Variants in DEPDC1B observed in about 807,000 individuals in gnomAD.
The protein encoded by DEPDC1B is DEP domain-containing protein 1B.
DEPDC1B carries 51 observed loss-of-function variants against 66.5 expected under a neutral mutation model. The ratio of observed to expected loss-of-function variants is 0.77; its 90% CI spans 0.61 to 0.97. The LOEUF (loss-of-function observed/expected upper bound fraction) is 0.97. Ranked by LOEUF, DEPDC1B falls within the 50% of genes least tolerant of loss-of-function variation. DEPDC1B has a pLI of 0.00. For missense variants in DEPDC1B, 552 were observed against 637.1 expected (o/e 0.87, Z 1.44); for synonymous variants, 226 against 223.6 (o/e 1.01, Z -0.10).
intron 1 of DEPDC1B, among the ~76,000 whole-genome samples, chr5:60,699,456 A>AAAAAAAAAAAAAAAAAAAAAAAG (rs1754732251): frequency 1.5e-5 from 1 of 68,408 alleles, no homozygotes; most frequent in Non-Finnish European, 3.3e-5. Context: ...AAAAAAAAAA[A>AAAAAAAAAAAAAAAAAAAAAAAG]AAAAAACAGG....
chr5:60,639,605 C>G (rs533970150), intron 6 of DEPDC1B, among the ~76,000 whole-genome samples: 10 of 152,338 alleles, frequency 6.6e-5, no homozygotes, highest in Admixed American at 2.0e-4. Flanking sequence ...ATATCCTACT[C>G]CATCAACAAG....
intron 9 of DEPDC1B, among the ~76,000 whole-genome samples, chr5:60,601,335 A>G (rs1253793615): frequency 6.6e-6 from 1 of 152,250 alleles, no homozygotes; most frequent in African/African-American, 2.4e-5. Context: ...AGTTAAAATT[A>G]CACTTTTCAC....
intron 1 of DEPDC1B, among the ~76,000 whole-genome samples, 164 bp downstream of exon 1, chr5:60,699,882 G>C (rs1754745673): frequency 6.6e-6 from 1 of 152,220 alleles, no homozygotes; most frequent in Admixed American, 6.5e-5. Flanking sequence ...GCCTTTCTTT[G>C]AGGCTCGTCC....
intron 7 of DEPDC1B, among the ~76,000 whole-genome samples, chr5:60,609,284 C>T (rs1752370332): frequency 6.6e-6 from 1 of 152,124 alleles, no homozygotes; most frequent in African/African-American, 2.4e-5. Context: ...AGACCAGGGC[C>T]TCCCTTTTCC....
Position 60,700,137 on chromosome 5 carries a change from C to T in DEPDC1B, c.-44G>A, listed in dbSNP as rs901246467. 3.3e-6 allele frequency: 5 copies of T among 1,528,000 alleles called. No homozygotes were observed. The African/African-American group carries it at 7.0e-5, about 21-fold the overall frequency. 94.7% of individuals were successfully genotyped at this position (1,528,000 alleles called of 1,614,324 possible). A position where few individuals can be genotyped will look rare whatever the true frequency, so the allele number is the denominator to read the frequency against. ...GCCGCAGCCGCGCCAGCGCTGATCC[C>T]CGCCAGCCGGAGGAGCAGCAGTTTG... On this transcript the variant is annotated 5_prime_UTR_variant, in exon 1 of 11. Transcript: ENST00000265036.
intron 9 of DEPDC1B, among the ~76,000 whole-genome samples, chr5:60,600,798 C>T (rs1302030244): frequency 2.0e-5 from 3 of 152,222 alleles, no homozygotes; most frequent in Non-Finnish European, 4.4e-5. Flanking sequence ...TATGCCTGTG[C>T]TATGCATGTG....
At chr5:60,638,625 A>T in intron 7 of DEPDC1B, 125 bp downstream of exon 7, 1 of 991,070 alleles carries the variant, frequency 1.0e-6, no homozygotes, top group Non-Finnish European at 1.4e-6. Context: ...AGCTATGCCA[A>T]ATACTCTATC....
In DEPDC1B at chr5:60,647,018, T is replaced by C. The variant is rs1584061532; in HGVS notation, c.450+380A>G. Among the ~76,000 whole-genome samples, 5 of 152,240 alleles carry C rather than the reference T, an allele frequency of 3.3e-5. No homozygotes were observed. The South Asian group carries it at 1.0e-3, about 32-fold the overall frequency. On this transcript the variant is annotated intron_variant, in intron 3 of 10. Coordinates refer to ENST00000265036, the MANE Select transcript of DEPDC1B (RefSeq NM_018369.3). ...TGAGTAGCATAATTATCTCATTATATATTAAAATGTAATAATAATATAAAT... is the reference window on the plus strand; with the variant it reads ...TGAGTAGCATAATTATCTCATTATACATTAAAATGTAATAATAATATAAAT...
rs1298555903 is a variant in DEPDC1B at position 60,687,078 on chromosome 5, T to A, written c.198A>T (p.Glu66Asp). The A allele has an allele frequency of 6.2e-7, 1 of 1,614,246 alleles. No individual in the cohort carries two copies. Residue 66 changes from glutamate to aspartate, a missense_variant, in exon 2 of 11, where the codon GAA (glutamate) becomes GAT (aspartate). Coordinates refer to ENST00000265036, the MANE Select transcript of DEPDC1B (RefSeq NM_018369.3). ...LLRCSQNFGP[E>D]VTRKQTVQLL... ...GCTGGACCGTTTGTTTGCGGGTCAC[T>A]TCAGGGCCGAAGTTTTGACTGCACC...
At chr5:60,688,465 C>A (rs895950643) in intron 1 of DEPDC1B, among the ~76,000 whole-genome samples, 1 of 152,132 alleles carries the variant, frequency 6.6e-6, no homozygotes, top group Non-Finnish European at 1.5e-5. Flanking sequence ...TCCATTACTC[C>A]CGGTGTAATG....
intron 7 of DEPDC1B, 135 bp downstream of exon 7, chr5:60,638,615 A>T (rs1753114245): frequency 1.1e-6 from 1 of 871,760 alleles, no homozygotes; most frequent in Non-Finnish European, 1.7e-6. Context: ...GCAAGACTCT[A>T]GCTATGCCAA....
At chr5:60,598,348 T>C (rs1752136376) in intron 10 of DEPDC1B, among the ~76,000 whole-genome samples, 1 of 152,192 alleles carries the variant, frequency 6.6e-6, no homozygotes, top group Non-Finnish European at 1.5e-5. Context: ...AGAGGCAGTA[T>C]ACTTTCTGTT....
At chr5:60,680,624 G>A (rs1372258601) in intron 2 of DEPDC1B, among the ~76,000 whole-genome samples, 1 of 152,054 alleles carries the variant, frequency 6.6e-6, no homozygotes, top group Admixed American at 6.5e-5. Flanking sequence ...CTAACAAATA[G>A]ATAAAGGAAA....
chr5:60,612,371 C>A (rs1752430226), intron 7 of DEPDC1B, among the ~76,000 whole-genome samples: 1 of 149,982 alleles, frequency 6.7e-6, no homozygotes, highest in African/African-American at 2.5e-5. Context: ...TGCAATGAGC[C>A]AAGATTGTGC....
rs1331369506 is a variant in DEPDC1B at position 60,657,464 on chromosome 5, CT to C, written c.315-9932del. 4.6e-5 allele frequency among the ~76,000 whole-genome samples: 7 copies of C among 152,066 alleles called. 1 individual carries two copies. ...GCATTTGTTTCAGGATTTAGAGCTC[CT>C]TTTAGCAGTTCTTATAGTAGCTTGG... On this transcript the variant is annotated intron_variant, in intron 2 of 10. Transcript: ENST00000265036.
chr5:60,611,125 C>T (rs1308096236), intron 7 of DEPDC1B, among the ~76,000 whole-genome samples: 1 of 152,184 alleles, frequency 6.6e-6, no homozygotes, highest in Non-Finnish European at 1.5e-5. Flanking sequence ...GTCTCTGTAT[C>T]ACATTTTGGT....
intron 2 of DEPDC1B, among the ~76,000 whole-genome samples, chr5:60,678,088 A>C (rs1200787287): frequency 2.0e-5 from 3 of 152,180 alleles, no homozygotes; most frequent in Non-Finnish European, 4.4e-5. Flanking sequence ...AGGTTTTGCA[A>C]ATCTCTAGCT....
At chr5:60,605,632 C>A in intron 8 of DEPDC1B, 58 bp downstream of exon 8, 4 of 1,574,048 alleles carry the variant, frequency 2.5e-6, no homozygotes, top group Non-Finnish European at 3.5e-6. Flanking sequence ...AACTAATACA[C>A]CTTACTCAGT....
chr5:60,602,269 A>G (rs767678966), intron 9 of DEPDC1B, among the ~76,000 whole-genome samples: 1 of 152,126 alleles, frequency 6.6e-6, no homozygotes, highest in Non-Finnish European at 1.5e-5. Context: ...CTGAAAGACT[A>G]TATTACTGAC....
Sources: allele counts gnomAD v4.1 joint callset (sites outside exome capture counted in the v4.1 genomes callset), GRCh38; gene constraint gnomAD v4.1.1; transcripts MANE v1.5; gene names NCBI Gene and HGNC (gene_info 2026-07-23, HGNC 2026-07-21).